The following KAZN variants were observed in gnomAD, a reference collection of about 807,000 sequenced individuals.
The protein encoded by KAZN is kazrin.
KAZN carries 40 observed loss-of-function variants against 87.4 expected under a neutral mutation model. The ratio of observed to expected loss-of-function variants is 0.46; its 90% CI spans 0.36 to 0.60. The LOEUF is 0.60. Among genes scored for constraint, KAZN ranks in the 20% least tolerant of loss-of-function variants. The pLI is 0.00. For synonymous variants in KAZN, 466 were observed against 458.3 expected (o/e 1.02, Z -0.22); for missense variants, 898 against 1,073.9 (o/e 0.84, Z 2.29).
At chr1:14,657,612 G>T (rs951692737) in intron 1 of KAZN, among the ~76,000 whole-genome samples, 1 of 152,174 alleles carries the variant, frequency 6.6e-6, no homozygotes, top group African/African-American at 2.4e-5. Flanking sequence ...CCTATCATGA[G>T]CATTCCTAAA....
At position 15,094,732 on chromosome 1, in the gene KAZN, C is replaced by T; in HGVS notation, c.1429-83C>T. 2.1e-6 allele frequency: 2 copies of T among 969,134 alleles called. No individual in the cohort carries two copies. Among genetic ancestry groups the T allele is most frequent in the South Asian group, 3.0e-5 (2 of 66,480 alleles). 60.0% of individuals were successfully genotyped at this position (969,134 alleles called of 1,614,324 possible). A position where few individuals can be genotyped will look rare whatever the true frequency, so the allele number is the denominator to read the frequency against. ...GGTGGGCAGGAGATGGGGAAGGAGC[C>T]CCATGTCAACAGACCCCCTCTAGGG... On this transcript the variant is annotated intron_variant, in intron 9 of 14. Coordinates refer to ENST00000376030, the MANE Select transcript of KAZN (RefSeq NM_201628.3). The surrounding 1 kb of genome is among the most constrained non-coding windows in gnomAD (Gnocchi z 4.5).
chr1:14,947,097 A>G (rs1293176582), intron 1 of KAZN, among the ~76,000 whole-genome samples: 1 of 152,160 alleles, frequency 6.6e-6, no homozygotes, highest in African/African-American at 2.4e-5. Context: ...TCAGGGTGGG[A>G]AAGAAAGCAG....
chr1:14,659,680 T>G (rs1639028518), intron 1 of KAZN, among the ~76,000 whole-genome samples: 1 of 152,140 alleles, frequency 6.6e-6, no homozygotes, highest in South Asian at 2.1e-4. Flanking sequence ...ATCCCTGAAT[T>G]GGATAGATCA....
chr1:14,530,178 G>A (rs1384091093), intron 2 of KAZN, among the ~76,000 whole-genome samples: 1 of 152,164 alleles, frequency 6.6e-6, no homozygotes, highest in Non-Finnish European at 1.5e-5. Context: ...CAGGAGGGCA[G>A]GTGGGCTTCC....
chr1:14,916,008 T>C (rs1467262189), intron 1 of KAZN, among the ~76,000 whole-genome samples: 1 of 152,198 alleles, frequency 6.6e-6, no homozygotes, highest in Non-Finnish European at 1.5e-5. Context: ...GTCTGTTTCC[T>C]CATCTGTAAA....
chr1:14,169,212 C>G (rs1249787941), intron 1 of KAZN, among the ~76,000 whole-genome samples: 1 of 151,944 alleles, frequency 6.6e-6, no homozygotes, highest in African/African-American at 2.4e-5. Context: ...TGGACGGAAA[C>G]CAAGGCCAAG....
intron 1 of KAZN, among the ~76,000 whole-genome samples, chr1:14,888,206 C>T (rs1325910101): frequency 6.6e-6 from 1 of 152,188 alleles, no homozygotes; most frequent in Non-Finnish European, 1.5e-5. Context: ...CAGAGGCTCC[C>T]AGGCACAGAG....
At chr1:14,697,087 T>A (rs1228155610) in intron 1 of KAZN, among the ~76,000 whole-genome samples, 42 of 146,850 alleles carry the variant, frequency 2.9e-4, no homozygotes, top group African/African-American at 1.0e-3. Flanking sequence ...AGCCCAGGAG[T>A]TTTAGACCAA....
intron 5 of KAZN, among the ~76,000 whole-genome samples, chr1:15,057,952 T>G (rs1638447265): frequency 6.6e-6 from 1 of 152,230 alleles, no homozygotes; most frequent in Non-Finnish European, 1.5e-5. Context: ...GGCTGGTGGA[T>G]CTGCCCTCTG....
chr1:15,068,677 C>G (rs1036553526), intron 8 of KAZN, among the ~76,000 whole-genome samples: 7 of 151,926 alleles, frequency 4.6e-5, no homozygotes, highest in African/African-American at 1.7e-4. Context: ...CCCAAGAGAA[C>G]CCCCCAGATA....
chr1:14,659,118 A>T (rs901314017), intron 1 of KAZN, among the ~76,000 whole-genome samples: 4 of 152,104 alleles, frequency 2.6e-5, no homozygotes, highest in Admixed American at 6.6e-5. Context: ...CACATCTGTG[A>T]TCCCAGCTAC....
intron 2 of KAZN, among the ~76,000 whole-genome samples, chr1:14,368,217 G>C (rs1193996553): frequency 6.6e-6 from 1 of 152,142 alleles, no homozygotes; most frequent in Admixed American, 6.5e-5. Flanking sequence ...GACAAGCTTG[G>C]CTTCTCAACC....
intron 1 of KAZN, among the ~76,000 whole-genome samples, chr1:14,028,743 T>G (rs149311218): frequency 6.6e-6 from 1 of 152,338 alleles, no homozygotes; most frequent in East Asian, 1.9e-4. Flanking sequence ...AAGGTTTGCC[T>G]TTAAATGTGA....
At chr1:14,677,421 C>T (rs1640291012) in intron 1 of KAZN, among the ~76,000 whole-genome samples, 1 of 152,142 alleles carries the variant, frequency 6.6e-6, no homozygotes, top group Admixed American at 6.5e-5. Flanking sequence ...AGTGAACCTT[C>T]CAAGCTGTAG....
chr1:15,043,989 G>A lies in KAZN; in HGVS notation c.556G>A (p.Glu186Lys). The A allele has an allele frequency of 6.2e-7, 1 of 1,607,704 alleles. No individual in the cohort carries two copies. Among genetic ancestry groups the A allele is most frequent in the Non-Finnish European group, 8.5e-7 (1 of 1,177,132 alleles). Residue 186 changes from glutamate (E) to lysine (K), a missense_variant and splice_region_variant, in exon 4 of 15, where the codon GAG (glutamate) becomes AAG (lysine). Coordinates refer to ENST00000376030, the MANE Select transcript of KAZN (RefSeq NM_201628.3). ...TGCTCTCTCCCTCTCCCACCCACAGGAGAGCGAGGATGCGGTCAAAGCGCT... is the reference window on the plus strand; with the variant it reads ...TGCTCTCTCCCTCTCCCACCCACAGAAGAGCGAGGATGCGGTCAAAGCGCT... Reference protein sequence around the residue: ...FIRNYEQHRKESEDAVKALAK... With the variant: ...FIRNYEQHRKKSEDAVKALAK...
At chr1:14,082,844 C>A (rs1276409191) in intron 1 of KAZN, among the ~76,000 whole-genome samples, 1 of 152,170 alleles carries the variant, frequency 6.6e-6, no homozygotes, top group Non-Finnish European at 1.5e-5. Context: ...ACCCCTCCCA[C>A]TTTACCTCCC....
At chr1:14,755,584 G>A (rs1477077613) in intron 1 of KAZN, among the ~76,000 whole-genome samples, 1 of 152,162 alleles carries the variant, frequency 6.6e-6, no homozygotes, top group Non-Finnish European at 1.5e-5. Flanking sequence ...TCCCACAAGT[G>A]GCAGAGAAGA....
chr1:14,876,723 A>G (rs1652806663), intron 1 of KAZN, among the ~76,000 whole-genome samples: 1 of 152,208 alleles, frequency 6.6e-6, no homozygotes, highest in Non-Finnish European at 1.5e-5. Context: ...ATCCATGAGT[A>G]ATCTACGTAA....
At chr1:15,111,138 C>T (rs925930037) in intron 13 of KAZN, among the ~76,000 whole-genome samples, 2 of 152,202 alleles carry the variant, frequency 1.3e-5, no homozygotes, top group Non-Finnish European at 2.9e-5. Flanking sequence ...GAGAACGTAG[C>T]TCATTTGCCA....
Sources: allele counts gnomAD v4.1 joint callset (sites outside exome capture counted in the v4.1 genomes callset), GRCh38; gene constraint gnomAD v4.1.1; non-coding constraint Gnocchi (gnomAD v3.1); transcripts MANE v1.5; gene names NCBI Gene and HGNC (gene_info 2026-07-23, HGNC 2026-07-21).